The following FZD3 variants were observed in gnomAD, a reference collection of about 807,000 sequenced individuals.
FZD3 encodes the protein frizzled-3.
Under a neutral mutation model 60.7 loss-of-function variants are expected in FZD3, and 30 were observed. The ratio of observed to expected loss-of-function variants is 0.49; its 90% CI spans 0.37 to 0.67. The LOEUF is 0.67. Among genes scored for constraint, FZD3 ranks in the 30% least tolerant of loss-of-function variants. The pLI, the probability that FZD3 is intolerant of heterozygous loss-of-function variation, is 0.00. For synonymous variants in FZD3, 246 were observed against 275.2 expected (o/e 0.89, Z 1.05); for missense variants, 605 against 838.7 (o/e 0.72, Z 3.44).
chr8:28,535,532 G>C (rs2130407606), intron 5 of FZD3, among the ~76,000 whole-genome samples: 1 of 152,250 alleles, frequency 6.6e-6, no homozygotes, highest in South Asian at 2.1e-4. Context: ...GGCTATGACA[G>C]TCTTTCAGCC....
At chr8:28,516,865 G>T (rs376568846) in intron 3 of FZD3, among the ~76,000 whole-genome samples, 104 of 151,874 alleles carry the variant, frequency 6.8e-4, no homozygotes, top group African/African-American at 2.4e-3. Flanking sequence ...TAAAAATTAT[G>T]ATGTGTACTT....
intron 5 of FZD3, among the ~76,000 whole-genome samples, chr8:28,544,024 G>A (rs1015062630): frequency 5.9e-5 from 9 of 151,816 alleles, no homozygotes; most frequent in East Asian, 1.9e-4. Flanking sequence ...TAATCCCTCC[G>A]GGTGGGGAGG....
intron 1 of FZD3, among the ~76,000 whole-genome samples, chr8:28,499,207 A>C (rs1298935418): frequency 6.6e-6 from 1 of 152,180 alleles, no homozygotes; most frequent in Non-Finnish European, 1.5e-5. Context: ...AAACAATCGA[A>C]ATAGTTTTAC....
chr8:28,527,022 A>G lies in FZD3; in HGVS notation c.387-125A>G, dbSNP rs1585971797. 1 of 823,070 alleles carries G rather than the reference A, an allele frequency of 1.2e-6. No individual in the cohort carries two copies. 51.0% of individuals were successfully genotyped at this position (823,070 alleles called of 1,614,324 possible). On this transcript the variant is annotated intron_variant, in intron 4 of 7. Transcript: ENST00000240093. This position sits in a 1 kb window ranked among gnomAD's most constrained non-coding sequence, Gnocchi z 5.0. ...AGATATCACCATTTACTTTATTTCT[A>G]CATATTACATTTGCTCTCCAGGAAT...
chr8:28,526,312 T>C (rs1469105466), intron 4 of FZD3, among the ~76,000 whole-genome samples: 2 of 152,210 alleles, frequency 1.3e-5, no homozygotes, highest in African/African-American at 4.8e-5. Flanking sequence ...CAAACATCTA[T>C]GCCTATGCTT....
At chr8:28,499,438 G>T (rs979870643) in intron 1 of FZD3, among the ~76,000 whole-genome samples, 1 of 151,964 alleles carries the variant, frequency 6.6e-6, no homozygotes, top group Non-Finnish European at 1.5e-5. Flanking sequence ...CTTTTCAGTT[G>T]TTACCAGCTT....
intron 4 of FZD3, among the ~76,000 whole-genome samples, chr8:28,526,269 A>G (rs1280835322): frequency 6.6e-6 from 1 of 152,164 alleles, no homozygotes. Context: ...CAAGTCATGC[A>G]TACTTTATAT....
chr8:28,565,989 A>G lies in FZD3; in HGVS notation c.*2978A>G, dbSNP rs1805698760. ...TGATTTCAGCAACTTTTTTTATTCA[A>G]TAACTAGACAAAAGATCTAAGATAA... On this transcript the variant is annotated 3_prime_UTR_variant, in exon 8 of 8. Transcript: ENST00000240093. 2 of 152,166 alleles carry G rather than the reference A, an allele frequency of 1.3e-5. No homozygotes were observed. The highest frequency in any genetic ancestry group is 1.5e-5 in the Non-Finnish European group (1 of 67,992). 9.4% of individuals were successfully genotyped at this position (152,166 alleles called of 1,614,324 possible). A position where few individuals can be genotyped will look rare whatever the true frequency, so the allele number is the denominator to read the frequency against.
intron 7 of FZD3, among the ~76,000 whole-genome samples, chr8:28,556,807 T>C (rs1057055595): frequency 6.6e-5 from 10 of 152,190 alleles, no homozygotes; most frequent in African/African-American, 2.4e-4. Flanking sequence ...GTTTACTAGG[T>C]ACAGTAGTAG....
intron 5 of FZD3, among the ~76,000 whole-genome samples, chr8:28,550,929 A>G (rs552167576): frequency 1.3e-5 from 2 of 152,276 alleles, no homozygotes; most frequent in East Asian, 1.9e-4. Flanking sequence ...AATCAAAACT[A>G]TCACTGTTTT....
At position 28,551,723 on chromosome 8, in the gene FZD3, A is replaced by G. The variant is rs757328457; in HGVS notation, c.1525A>G (p.Ser509Gly). ...GSKKTCFEWA[S>G]FFHGRRKKEI... The stretch of plus-strand genomic sequence containing the variant: ...CAAAAAGACATGCTTTGAATGGGCC[A>G]GTTTTTTTCATGGTCGTAGGAAAAA... The change falls in exon 6 of 8, where the codon AGT (serine) becomes GGT (glycine). Residue 509 changes from serine (S) to glycine (G), a missense_variant. Ser to Gly is a moderately conservative substitution (Grantham distance 56). Transcript: ENST00000240093. 6 of 1,610,198 alleles carry G rather than the reference A, an allele frequency of 3.7e-6. No individual in the cohort carries two copies. The South Asian group carries it at 6.7e-5, about 18-fold the overall frequency.
chr8:28,547,683 C>G (rs1460590990), intron 5 of FZD3, among the ~76,000 whole-genome samples: 1 of 152,024 alleles, frequency 6.6e-6, no homozygotes, highest in Admixed American at 6.5e-5. Flanking sequence ...TATTTTTCTT[C>G]GGGTCATGGG....
In FZD3 at chr8:28,504,208, G is replaced by T. The variant is rs145810977; in HGVS notation, c.189+1006G>T. On this transcript the variant is annotated intron_variant, in intron 3 of 7. Transcript: ENST00000240093. ...TTATTCATAGATTTTGAAATAAGGA[G>T]GGCATCTTATATATTCCAAATATTT... Among the ~76,000 whole-genome samples the T allele has an allele frequency of 4.7e-4, 71 of 152,228 alleles. No homozygotes were observed. In the East Asian group the frequency reaches 0.012, roughly 26 times the overall value.
At chr8:28,522,385 TGTA>T (rs1804604941) in intron 4 of FZD3, among the ~76,000 whole-genome samples, 2 of 152,214 alleles carry the variant, frequency 1.3e-5, no homozygotes, top group Admixed American at 6.5e-5. Flanking sequence ...ATTTGCTTCT[TGTA>T]GTCAATTTAT....
chr8:28,555,536 A>G (rs771192287), intron 6 of FZD3, among the ~76,000 whole-genome samples: 4 of 152,194 alleles, frequency 2.6e-5, no homozygotes, highest in Admixed American at 6.5e-5. Flanking sequence ...GCCTTTTTCC[A>G]TCATACCACC....
rs200938191 is a variant in FZD3 at position 28,527,756 on chromosome 8, C to T, written c.996C>T (p.His332=). 9.5e-5 allele frequency: 154 copies of T among 1,613,994 alleles called. No individual in the cohort carries two copies. The highest frequency in any genetic ancestry group is 3.3e-5 in the Admixed American group (2 of 59,996). ...TTGAGAAGAAAGCATTGCTGTTTCA[C>T]GCCAGTGCATGGGGCATCCCCGGAA... The part of the protein sequence containing the change: ...EAIEKKALLF[H]ASAWGIPGTL... Residue 332 remains histidine, a synonymous_variant, in exon 5 of 8, where the codon CAC becomes CAT. Transcript: ENST00000240093. The surrounding 1 kb of genome is among the most constrained non-coding windows in gnomAD (Gnocchi z 5.0).
intron 5 of FZD3, among the ~76,000 whole-genome samples, chr8:28,545,674 C>T (rs2130444692): frequency 6.6e-6 from 1 of 152,258 alleles, no homozygotes; most frequent in African/African-American, 2.4e-5. Context: ...GGGAATCACC[C>T]AGCTGAGCCC....
At chr8:28,537,529 TACAACTACTCA>T (rs1805047869) in intron 5 of FZD3, among the ~76,000 whole-genome samples, 1 of 34,964 alleles carries the variant, frequency 2.9e-5, no homozygotes, top group Non-Finnish European at 7.5e-5. Flanking sequence ...GCTGCTATGG[TACAACTACTCA>T]GCTTTGCTGC....
At chr8:28,540,732 G>T (rs1201185782) in intron 5 of FZD3, among the ~76,000 whole-genome samples, 1 of 152,148 alleles carries the variant, frequency 6.6e-6, no homozygotes, top group South Asian at 2.1e-4. Context: ...ATTACTTGAG[G>T]TCAGGAGTTT....
Sources: allele counts gnomAD v4.1 joint callset (sites outside exome capture counted in the v4.1 genomes callset), GRCh38; gene constraint gnomAD v4.1.1; non-coding constraint Gnocchi (gnomAD v3.1); transcripts MANE v1.5; gene names NCBI Gene and HGNC (gene_info 2026-07-23, HGNC 2026-07-21).